The following NEDD9 variants were observed in gnomAD, a reference collection of about 807,000 sequenced individuals.
The protein encoded by NEDD9 is neural precursor cell expressed, developmentally down-regulated 9, also known as enhancer of filamentation 1.
Under a neutral mutation model 76.6 loss-of-function variants are expected in NEDD9, and 26 were observed. The observed-to-expected ratio is 0.34, with a 90% CI of 0.25 to 0.47. The LOEUF (loss-of-function observed/expected upper bound fraction) is 0.47. Ranked by LOEUF, NEDD9 falls within the 20% of genes least tolerant of loss-of-function variation. NEDD9 has a pLI of 1.00. For synonymous variants in NEDD9, 392 were observed against 414.2 expected (o/e 0.95, Z 0.65); for missense variants, 937 against 1,058.5 (o/e 0.89, Z 1.59).
intron 2 of NEDD9, chr6:11,200,958 G>A (rs752509939): frequency 1.2e-6 from 2 of 1,614,194 alleles, no homozygotes; most frequent in Non-Finnish European, 1.7e-6. Flanking sequence ...ATGCTCATCA[G>A]ATGAGATCTT....
rs1208585565 is a variant in NEDD9 at position 11,218,114 on chromosome 6, G to A, written c.13-4387C>T. ...GATAATTCCTAAAGCCATAGTCTTCGCTGGATATTTCTTCTGCATTCCAGT... is the reference window on the plus strand; with the variant it reads ...GATAATTCCTAAAGCCATAGTCTTCACTGGATATTTCTTCTGCATTCCAGT... On this transcript the variant is annotated intron_variant, in intron 1 of 6. Transcript: ENST00000379446. 2.6e-5 allele frequency among the ~76,000 whole-genome samples: 4 copies of A among 152,328 alleles called. No individual in the cohort carries two copies. In the South Asian group the frequency reaches 6.2e-4, roughly 24 times the overall value.
intron 2 of NEDD9, among the ~76,000 whole-genome samples, chr6:11,317,188 T>A (rs987787277): frequency 2.6e-5 from 4 of 152,126 alleles, no homozygotes; most frequent in African/African-American, 9.7e-5. Flanking sequence ...ATCCCAGCAC[T>A]CTGAGAGGCC....
intron 1 of NEDD9, among the ~76,000 whole-genome samples, chr6:11,377,877 G>C (rs1360980261): frequency 6.6e-6 from 1 of 152,174 alleles, no homozygotes; most frequent in Non-Finnish European, 1.5e-5. Context: ...CATGCGGGTG[G>C]ATCCCTTATG....
Position 11,190,151 on chromosome 6 carries a change from A to T in NEDD9, c.1718T>A (p.Ile573Asn). The T allele has an allele frequency of 6.2e-7, 1 of 1,614,032 alleles. No individual in the cohort carries two copies. The highest frequency in any genetic ancestry group is 8.5e-7 in the Non-Finnish European group (1 of 1,179,966). ...GTGTGGGTACTCCGTTGAGTTCATG[A>T]TGCTCTCCGGCCCATTCTTCAGATG... The part of the protein sequence containing the change: ...SLHLKNGPES[I>N]MNSTEYPHGG... The change falls in exon 5 of 7, where the codon ATC (isoleucine) becomes AAC (asparagine). Residue 573 changes from isoleucine (I) to asparagine (N), a missense_variant. Ile to Asn is a moderately radical substitution (Grantham distance 149, BLOSUM62 -3). Coordinates refer to ENST00000379446, the MANE Select transcript of NEDD9 (RefSeq NM_006403.4). The surrounding 1 kb of genome is among the most constrained non-coding windows in gnomAD (Gnocchi z 5.8).
intron 2 of NEDD9, among the ~76,000 whole-genome samples, chr6:11,308,767 C>A (rs1425974479): frequency 6.6e-6 from 1 of 152,010 alleles, no homozygotes; most frequent in Non-Finnish European, 1.5e-5. Flanking sequence ...TACCTTAAGC[C>A]CCACAAAAAA....
chr6:11,300,403 T>C (rs556219278), intron 3 of NEDD9, among the ~76,000 whole-genome samples: 1 of 152,280 alleles, frequency 6.6e-6, no homozygotes, highest in South Asian at 2.1e-4. Context: ...TACCTGAAAG[T>C]GACGGGAAGA....
In NEDD9 at chr6:11,213,540, A is replaced by C; in HGVS notation, c.200T>G (p.Met67Arg). ...GNRVKLLIGP[M>R]QETASSHEQP... Reference sequence around the variant, plus strand: ...CTCGTGACTGGAGGCAGTCTCCTGCATGGGACCAATCAGAAGCTTCACCCG... The same window carrying C: ...CTCGTGACTGGAGGCAGTCTCCTGCCTGGGACCAATCAGAAGCTTCACCCG... Residue 67 changes from methionine (M) to arginine (R), a missense_variant, in exon 2 of 7, where the codon ATG becomes AGG. Coordinates refer to ENST00000379446, the MANE Select transcript of NEDD9 (RefSeq NM_006403.4). This position sits in a 1 kb window ranked among gnomAD's most constrained non-coding sequence, Gnocchi z 5.4. 6.2e-7 allele frequency: 1 copy of C among 1,614,166 alleles called. No homozygotes were observed.
intron 2 of NEDD9, among the ~76,000 whole-genome samples, chr6:11,311,709 T>TA: frequency 6.6e-6 from 1 of 152,342 alleles, no homozygotes; most frequent in Non-Finnish European, 1.5e-5. Context: ...GCTGCCATAA[T>TA]AAAATATTAC....
At chr6:11,320,304 T>C (rs1464447891) in intron 2 of NEDD9, among the ~76,000 whole-genome samples, 1 of 152,220 alleles carries the variant, frequency 6.6e-6, no homozygotes, top group African/African-American at 2.4e-5. Flanking sequence ...ATTTTGATGG[T>C]TGTGGCTTGG....
chr6:11,281,778 G>A (rs1760542969), intron 3 of NEDD9, among the ~76,000 whole-genome samples: 1 of 152,156 alleles, frequency 6.6e-6, no homozygotes, highest in Non-Finnish European at 1.5e-5. Flanking sequence ...TCTTGAGACA[G>A]ACTCTCGCTC....
intron 1 of NEDD9, among the ~76,000 whole-genome samples, chr6:11,369,950 G>A (rs1255851205): frequency 2.0e-5 from 3 of 152,172 alleles, no homozygotes; most frequent in South Asian, 2.1e-4. Flanking sequence ...CTGCTAGGTC[G>A]AACTCAAATA....
intron 6 of NEDD9, 102 bp from the exon 7 acceptor site, chr6:11,185,773 T>C: frequency 2.9e-6 from 4 of 1,376,466 alleles, no homozygotes; most frequent in Non-Finnish European, 4.0e-6. Flanking sequence ...TAGTCGCTAG[T>C]AACTGTCAGA....
rs550676552 is a variant in NEDD9 at position 11,362,827 on chromosome 6, C to T, written c.-214+19312G>A. On this transcript the variant is annotated intron_variant, in intron 1 of 3. Coordinates refer to the NEDD9 transcript ENST00000397378. ...ACAGTCACCATGTGTGAATTCTATT[C>T]TTGGATCTATGGGGACAGAAATGAC... 2.6e-5 allele frequency among the ~76,000 whole-genome samples: 4 copies of T among 152,286 alleles called. No homozygotes were observed. In the East Asian group the frequency reaches 5.8e-4, roughly 22 times the overall value.
chr6:11,355,934 G>A (rs1433035714), intron 1 of NEDD9, among the ~76,000 whole-genome samples: 1 of 152,076 alleles, frequency 6.6e-6, no homozygotes, highest in Non-Finnish European at 1.5e-5. Flanking sequence ...TGTTAGCCAG[G>A]ATGGTCTCGA....
intron 1 of NEDD9, among the ~76,000 whole-genome samples, chr6:11,376,607 A>G (rs1452492173): frequency 1.3e-5 from 2 of 152,236 alleles, no homozygotes; most frequent in Non-Finnish European, 2.9e-5. Flanking sequence ...GGCTACTTCC[A>G]GCAACCTAAA....
intron 2 of NEDD9, among the ~76,000 whole-genome samples, chr6:11,313,766 C>A (rs1761456435): frequency 6.6e-6 from 1 of 152,150 alleles, no homozygotes; most frequent in Non-Finnish European, 1.5e-5. Flanking sequence ...TAAACAAGCT[C>A]ATTTTTTAGG....
intron 2 of NEDD9, among the ~76,000 whole-genome samples, chr6:11,319,528 ACACT>A (rs1761700172): frequency 6.9e-6 from 1 of 144,140 alleles, no homozygotes; most frequent in Admixed American, 7.3e-5. Context: ...ATGCACACTC[ACACT>A]AACATGCGGA....
At chr6:11,350,923 T>A (rs1296716887) in intron 1 of NEDD9, among the ~76,000 whole-genome samples, 2 of 152,200 alleles carry the variant, frequency 1.3e-5, no homozygotes, top group Non-Finnish European at 2.9e-5. Context: ...CACCTCCTTG[T>A]CTTTCTTGAC....
intron 1 of NEDD9, among the ~76,000 whole-genome samples, chr6:11,338,464 C>T (rs938502029): frequency 2.0e-5 from 3 of 152,154 alleles, no homozygotes; most frequent in African/African-American, 7.2e-5. Context: ...TTTTTAACAA[C>T]AGCCCTAGCA....
Sources: allele counts gnomAD v4.1 joint callset (sites outside exome capture counted in the v4.1 genomes callset), GRCh38; gene constraint gnomAD v4.1.1; non-coding constraint Gnocchi (gnomAD v3.1); transcripts MANE v1.5; gene names NCBI Gene and HGNC (gene_info 2026-07-23, HGNC 2026-07-21).